ANKRD36C: variants seen among roughly 807,000 people sequenced by gnomAD.
ANKRD36C encodes ankyrin repeat domain 36C, also known as ankyrin repeat domain-containing protein 36C.
Under a neutral mutation model 276.4 loss-of-function variants are expected in ANKRD36C, and 61 were observed. The observed-to-expected ratio is 0.22, with a 90% confidence interval of 0.18 to 0.27. ANKRD36C has a LOEUF of 0.27. Ranked by LOEUF, ANKRD36C falls within the 10% of genes least tolerant of loss-of-function variation. The pLI, the probability that ANKRD36C is intolerant of heterozygous loss-of-function variation, is 1.00. For missense variants in ANKRD36C, 1,447 were observed against 2,032.3 expected, an observed-to-expected ratio of 0.71 and a Z score of 5.54; for synonymous variants, 483 against 680.1, an observed-to-expected ratio of 0.71 and a Z score of 4.51.
chr2:95,851,203 A>G lies in ANKRD36C; in HGVS notation c.5314-8T>C. 6.6e-7 allele frequency: 1 copy of G among 1,519,318 alleles called. No homozygotes were observed. Among genetic ancestry groups the G allele is most frequent in the Non-Finnish European group, 9.0e-7 (1 of 1,115,882 alleles). The allele number at this position is 1,519,318 out of a possible 1,614,324, so 94.1% of individuals were successfully genotyped here. ...CTCAAACACCTGCAGCATCTGAAAT[A>G]AATCAAATATTACTTATAATGTTTC... On this transcript the variant is annotated splice_polypyrimidine_tract_variant and splice_region_variant and intron_variant, in intron 66 of 66. Coordinates refer to ENST00000456556, the Ensembl canonical transcript of ANKRD36C.
At chr2:95,861,230 C>T (rs72823936) in intron 60 of ANKRD36C, among the ~76,000 whole-genome samples, 5 of 151,170 alleles carry the variant, frequency 3.3e-5, no homozygotes, top group Non-Finnish European at 7.4e-5. Flanking sequence ...CTTGTAGAGA[C>T]GCAAATTACA....
In ANKRD36C at chr2:95,914,094, CT is replaced by C. The variant is rs1558637413; in HGVS notation, c.2551+13del. 3 of 1,554,006 alleles carry C rather than the reference CT, an allele frequency of 1.9e-6. No homozygotes were observed. The highest frequency in any genetic ancestry group is 2.3e-5 in the South Asian group (2 of 85,318). ...CTCGACTGATCATGACATTAAATCT[CT>C]TTTCAAAATTACCTCTCCTAGTTTT... On this transcript the variant is annotated intron_variant, in intron 40 of 66. Coordinates refer to ENST00000456556, the Ensembl canonical transcript of ANKRD36C.
intron 59 of ANKRD36C, among the ~76,000 whole-genome samples, chr2:95,874,532 G>A (rs79521046): frequency 0.023 from 3,578 of 152,286 alleles, 57 homozygotes; most frequent in Admixed American, 0.035. Context: ...ATTAATTCAA[G>A]ATGGATTAAA....
At chr2:95,957,418 G>A (rs558414104) in intron 12 of ANKRD36C, among the ~76,000 whole-genome samples, 2 of 152,424 alleles carry the variant, frequency 1.3e-5, no homozygotes, top group East Asian at 3.8e-4. Flanking sequence ...CTCAGTGGAA[G>A]TGTCCTGAAT....
chr2:95,963,657 C>A (rs1480189716), intron 6 of ANKRD36C, among the ~76,000 whole-genome samples: 1 of 120,500 alleles, frequency 8.3e-6, no homozygotes, highest in African/African-American at 3.2e-5. Context: ...AAAATCAAAT[C>A]ATCTTTTATG....
Position 95,855,298 on chromosome 2 carries a change from A to AT in ANKRD36C, c.4962dup (p.Cys1655MetfsTer4), listed in dbSNP as rs1675382598. 4 of 1,601,492 alleles carry AT rather than the reference A, an allele frequency of 2.5e-6. No individual in the cohort carries two copies. The highest frequency in any genetic ancestry group is 8.5e-7 in the Non-Finnish European group (1 of 1,176,798). On this transcript the variant is annotated frameshift_variant, in exon 63 of 67. Transcript: ENST00000456556. LOFTEE classifies it high-confidence loss of function. ...TCTGCTTTCTCTTTTTCATATTGGC[A>AT]TTTTTTTTCTTTCGAATGATTCAAT...
chr2:95,987,606 T>C (rs1231035386), intron 1 of ANKRD36C, among the ~76,000 whole-genome samples: 1 of 50,658 alleles, frequency 2.0e-5, no homozygotes, highest in African/African-American at 6.1e-5. Context: ...TTACAAAGAC[T>C]TTTTTTTTTT....
intron 60 of ANKRD36C, among the ~76,000 whole-genome samples, chr2:95,863,951 C>A (rs1003136079): frequency 6.6e-6 from 1 of 151,962 alleles, no homozygotes; most frequent in Non-Finnish European, 1.5e-5. Flanking sequence ...CAAGAGTGAA[C>A]CCCAATGCAA....
At chr2:95,962,269 T>G in intron 8 of ANKRD36C, 83 bp downstream of exon 8, 679 of 1,423,602 alleles carry the variant, frequency 4.8e-4, no homozygotes, top group Non-Finnish European at 5.7e-4. Flanking sequence ...GCAGATTCAA[T>G]GAGCTCCCTG....
chr2:95,911,499 A>G (rs1676922820), intron 42 of ANKRD36C, among the ~76,000 whole-genome samples: 1 of 151,506 alleles, frequency 6.6e-6, no homozygotes, highest in Non-Finnish European at 1.5e-5. Flanking sequence ...TCCTTGAACA[A>G]GGAAGCCAAC....
At chr2:95,975,951 T>A in intron 6 of ANKRD36C, among the ~76,000 whole-genome samples, 1 of 151,722 alleles carries the variant, frequency 6.6e-6, no homozygotes, top group East Asian at 1.9e-4. Flanking sequence ...AACAACCCCA[T>A]CAAAAAGTGG....
At chr2:95,987,980 A>G (rs2104546698) in intron 1 of ANKRD36C, among the ~76,000 whole-genome samples, 1 of 152,144 alleles carries the variant, frequency 6.6e-6, no homozygotes, top group South Asian at 2.1e-4. Flanking sequence ...ACAATTCATT[A>G]TTTATTACAT....
At chr2:95,954,900 TG>T (rs975277505) in intron 13 of ANKRD36C, among the ~76,000 whole-genome samples, 2 of 152,110 alleles carry the variant, frequency 1.3e-5, no homozygotes, top group Non-Finnish European at 1.5e-5. Flanking sequence ...CAGGGATCTG[TG>T]GCAATCTCCA....
At chr2:95,984,066 A>G (rs550259230) in intron 3 of ANKRD36C, among the ~76,000 whole-genome samples, 2 of 152,242 alleles carry the variant, frequency 1.3e-5, no homozygotes, top group Non-Finnish European at 2.9e-5. Context: ...GTATAAAGAT[A>G]AATAGTTTAT....
At chr2:95,987,286 T>C in intron 1 of ANKRD36C, 80 bp from the exon 2 acceptor site, 6 of 1,478,084 alleles carry the variant, frequency 4.1e-6, no homozygotes, top group Non-Finnish European at 5.4e-6. Context: ...TCAAAACAAA[T>C]ATGTAATTTT....
At chr2:95,882,447 A>G (rs1357742057) in intron 55 of ANKRD36C, 22 bp downstream of exon 75, 1 of 1,548,528 alleles carries the variant, frequency 6.5e-7, no homozygotes, top group African/African-American at 1.4e-5. Context: ...ATAATTCAAA[A>G]TATAAATGAA....
At chr2:95,880,145 A>T (rs1278762968) in intron 58 of ANKRD36C, among the ~76,000 whole-genome samples, 1 of 149,880 alleles carries the variant, frequency 6.7e-6, no homozygotes, top group Non-Finnish European at 1.5e-5. Context: ...GAGCCATTGC[A>T]CTCCACCCTG....
At chr2:95,991,712 G>C (rs1365724360) in exon 1 of ANKRD36C, 16 of 1,612,228 alleles carry the variant, frequency 9.9e-6, no homozygotes, top group African/African-American at 2.7e-5. Context: ...CATCCATAAT[G>C]GTCGGCTGCA....
intron 56 of ANKRD36C, 30 bp from the exon 77 acceptor site, chr2:95,880,653 C>T: frequency 6.6e-7 from 1 of 1,516,066 alleles, no homozygotes. Flanking sequence ...TATAATCAAT[C>T]ATATGTAAAT....
Sources: allele counts gnomAD v4.1 joint callset (sites outside exome capture counted in the v4.1 genomes callset), GRCh38; gene constraint gnomAD v4.1.1; transcripts MANE v1.5; gene names NCBI Gene and HGNC (gene_info 2026-07-23, HGNC 2026-07-21).